The following DGKG variants were observed in gnomAD, a reference collection of about 807,000 sequenced individuals.
The protein encoded by DGKG is diacylglycerol kinase gamma, also known as DAG kinase gamma.
In DGKG, 78 loss-of-function variants were observed where a neutral mutation model predicts 105.3. The ratio of observed to expected loss-of-function variants is 0.74; its 90% CI spans 0.62 to 0.89. The LOEUF (loss-of-function observed/expected upper bound fraction) is 0.89. DGKG is among the 40% of genes least tolerant of loss of function. The pLI is 0.00. For synonymous variants in DGKG, 346 were observed against 367.1 expected, an observed-to-expected ratio of 0.94 and a Z score of 0.66; for missense variants, 958 against 1,020.1, an observed-to-expected ratio of 0.94 and a Z score of 0.83.
intron 5 of DGKG, among the ~76,000 whole-genome samples, chr3:186,289,195 G>A (rs1042770768): frequency 2.4e-4 from 37 of 152,078 alleles, no homozygotes; most frequent in Non-Finnish European, 3.1e-4. Flanking sequence ...AATGTCATTT[G>A]GCCTACTTTT....
intron 21 of DGKG, among the ~76,000 whole-genome samples, chr3:186,201,259 T>C (rs937685197): frequency 2.6e-5 from 4 of 151,952 alleles, no homozygotes; most frequent in African/African-American, 9.7e-5. Flanking sequence ...CTGGAGTGGA[T>C]GGGGCTTTTT....
chr3:186,242,312 G>A (rs532483339), intron 20 of DGKG, among the ~76,000 whole-genome samples, 192 bp downstream of exon 20: 265 of 152,318 alleles, frequency 1.7e-3, no homozygotes, highest in African/African-American at 6.0e-3. Flanking sequence ...GGAGAGGACA[G>A]GCAGTTAGCC....
chr3:186,304,193 G>A (rs867800516), intron 3 of DGKG, among the ~76,000 whole-genome samples: 3 of 152,220 alleles, frequency 2.0e-5, no homozygotes, highest in Non-Finnish European at 2.9e-5. Context: ...GCCCCAGGGC[G>A]GACAAGCTGA....
intron 21 of DGKG, among the ~76,000 whole-genome samples, chr3:186,199,900 T>C (rs1718365773): frequency 6.6e-6 from 1 of 152,192 alleles, no homozygotes; most frequent in African/African-American, 2.4e-5. Context: ...AGGTTCATGA[T>C]AGTCCTCATG....
Position 186,195,517 on chromosome 3 carries a change from ATTG to A in DGKG, c.1918-7141_1918-7139del, listed in dbSNP as rs372918061. Among the ~76,000 whole-genome samples the A allele has an allele frequency of 2.4e-3, 370 of 151,974 alleles. 2 individuals are homozygous for A. The highest frequency in any genetic ancestry group is 8.6e-3 in the African/African-American group (356 of 41,426). On this transcript the variant is annotated intron_variant, in intron 21 of 24. Transcript: ENST00000265022. ...TCTTTTTTCTCCTTGTCTTTTATTT[ATTG>A]AAGAAATGGGTCATTTGTCCTTAGA...
chr3:186,257,652 T>G, intron 17 of DGKG: 3 of 513,658 alleles, frequency 5.8e-6, no homozygotes, highest in East Asian at 3.5e-5. Context: ...TACCTCCGTA[T>G]TGGAGGGAAT....
At chr3:186,206,518 C>T (rs1718746313) in intron 21 of DGKG, among the ~76,000 whole-genome samples, 1 of 152,134 alleles carries the variant, frequency 6.6e-6, no homozygotes, top group African/African-American at 2.4e-5. Context: ...TACCTATGAT[C>T]CCATCCAGAA....
At chr3:186,227,077 G>A (rs1243143389) in intron 20 of DGKG, among the ~76,000 whole-genome samples, 2 of 152,106 alleles carry the variant, frequency 1.3e-5, no homozygotes, top group African/African-American at 2.4e-5. Context: ...TTGGAGGAGC[G>A]TTTATAGAGG....
At chr3:186,355,183 C>T (rs1560170428) in intron 1 of DGKG, among the ~76,000 whole-genome samples, 1 of 31,670 alleles carries the variant, frequency 3.2e-5, no homozygotes, top group Non-Finnish European at 6.1e-5. Flanking sequence ...CAACTATCAC[C>T]ACCACCATCA....
At chr3:186,255,379 A>G (rs952062269) in intron 17 of DGKG, among the ~76,000 whole-genome samples, 7 of 152,242 alleles carry the variant, frequency 4.6e-5, no homozygotes, top group African/African-American at 1.7e-4. Flanking sequence ...ACGTTGGAAA[A>G]CAAACAGAGG....
chr3:186,323,674 C>T lies in DGKG; in HGVS notation c.-248-2967G>A, dbSNP rs572712280. On this transcript the variant is annotated intron_variant, in intron 1 of 24. Transcript: ENST00000265022. ...GGGTGTGGCCAGGCGCAGTGGCTCA[C>T]GCCTGTAATCCCACCACTTTGGGAG... 2.0e-4 allele frequency among the ~76,000 whole-genome samples: 31 copies of T among 151,808 alleles called. No homozygotes were observed. The South Asian group carries it at 5.8e-3, about 29-fold the overall frequency.
chr3:186,224,399 C>T (rs1033213755), intron 20 of DGKG, among the ~76,000 whole-genome samples: 1 of 152,194 alleles, frequency 6.6e-6, no homozygotes, highest in Non-Finnish European at 1.5e-5. Flanking sequence ...CTACCCAAGA[C>T]ATCAAAGGTC....
intron 11 of DGKG, among the ~76,000 whole-genome samples, chr3:186,269,688 T>C (rs1044864793): frequency 5.9e-5 from 9 of 152,188 alleles, no homozygotes; most frequent in Admixed American, 6.5e-5. Flanking sequence ...AAGCCGAGAC[T>C]AAAAAGCACT....
At chr3:186,258,513 A>C (rs77309866) in intron 16 of DGKG, among the ~76,000 whole-genome samples, 2,084 of 152,184 alleles carry the variant, frequency 0.014, 55 homozygotes, top group African/African-American at 0.048. Flanking sequence ...ATACATTCTT[A>C]TTTTCCCTAA....
chr3:186,343,779 C>T (rs1008681239), intron 1 of DGKG, among the ~76,000 whole-genome samples: 1 of 151,872 alleles, frequency 6.6e-6, no homozygotes, highest in African/African-American at 2.4e-5. Flanking sequence ...TAGAATGTAT[C>T]CATATATATG....
intron 9 of DGKG, 115 bp downstream of exon 9, chr3:186,279,736 A>G (rs1722744616): frequency 8.0e-7 from 1 of 1,250,944 alleles, no homozygotes; most frequent in Non-Finnish European, 1.1e-6. Flanking sequence ...GGGGCTGGTC[A>G]TGGCACGTCT....
At position 186,275,652 on chromosome 3, in the gene DGKG, C is replaced by T; in HGVS notation, c.805G>A (p.Asp269Asn). 6.2e-7 allele frequency: 1 copy of T among 1,613,666 alleles called. No individual in the cohort carries two copies. The highest frequency in any genetic ancestry group is 2.2e-5 in the East Asian group (1 of 44,852). Residue 269 changes from aspartate to asparagine, a missense_variant, in exon 10 of 25, where the codon GAT (aspartate) becomes AAT (asparagine). Asp to Asn is a conservative substitution (Grantham distance 23). This residue lies in a region of DGKG where 643 missense variants were observed against 619.5 expected (regional missense o/e 1.04). Coordinates refer to ENST00000265022, the MANE Select transcript of DGKG (RefSeq NM_001346.3). Reference sequence around the variant, plus strand: ...TTCATGGTCCAGGCGTGCCGCCCATCCCCCTTGGAGCCCTGCAGGGGTAAT... The same window carrying T: ...TTCATGGTCCAGGCGTGCCGCCCATTCCCCTTGGAGCCCTGCAGGGGTAAT... ...LGMDDSGSKG[D>N]GRHAWTMKHF...
chr3:186,262,133 A>T (rs996384643), intron 14 of DGKG, among the ~76,000 whole-genome samples: 4 of 152,160 alleles, frequency 2.6e-5, no homozygotes, highest in African/African-American at 9.7e-5. Flanking sequence ...CCGTCTGATC[A>T]TACGCGTAAG....
Position 186,188,277 on chromosome 3 carries a change from T to C in DGKG, c.2020A>G (p.Lys674Glu). Residue 674 changes from lysine to glutamate, a missense_variant, in exon 22 of 25, where the codon AAG becomes GAG. Physicochemically the swap from Lys to Glu is moderately conservative, Grantham distance 56. Around this residue, in one of 2 missense-constraint regions of DGKG, gnomAD observed 315 missense variants for 400.6 expected, o/e 0.79. Transcript: ENST00000265022. ...YGGTNLWGEN[K>E]KNRAVIRESR... ...TCCCGGATCACAGCCCGGTTCTTCT[T>C]GTTTTCTCCCCAGAGATTGGTGCCT... 6.2e-7 allele frequency: 1 copy of C among 1,614,152 alleles called. No individual in the cohort carries two copies. The highest frequency in any genetic ancestry group is 8.5e-7 in the Non-Finnish European group (1 of 1,180,036).
Sources: allele counts gnomAD v4.1 joint callset (sites outside exome capture counted in the v4.1 genomes callset), GRCh38; gene constraint gnomAD v4.1.1; regional missense constraint gnomAD v4.1.1; transcripts MANE v1.5; gene names NCBI Gene and HGNC (gene_info 2026-07-23, HGNC 2026-07-21).